The following KLK4 variants were observed in gnomAD, a reference collection of about 807,000 sequenced individuals.
The protein encoded by KLK4 is kallikrein-4.
KLK4 carries 24 observed loss-of-function variants against 24.3 expected under a neutral mutation model. The ratio of observed to expected loss-of-function variants is 0.99; its 90% CI spans 0.72 to 1.39. The LOEUF (loss-of-function observed/expected upper bound fraction) is 1.39, where lower values mean the gene tolerates loss of function less well. Ranked by LOEUF, KLK4 falls within the 40% of genes most tolerant of loss-of-function variation. The pLI is 0.00. For synonymous variants in KLK4, 142 were observed against 138.8 expected (o/e 1.02, Z -0.16); for missense variants, 344 against 327.4 (o/e 1.05, Z -0.39).
At chr19:50,909,270 G>C in exon 3 of KLK4, 1 of 1,614,196 alleles carries the variant, frequency 6.2e-7, no homozygotes, top group Non-Finnish European at 8.5e-7. Context: ...ACAGTGTGCG[G>C]CTGACAGCAC....
Position 50,910,598 on chromosome 19 carries a change from AG to A in KLK4, c.61+79del, listed in dbSNP as rs2035898476. On this transcript the variant is annotated intron_variant, in intron 2 of 5. Coordinates refer to ENST00000324041, the Ensembl canonical transcript of KLK4. The surrounding 1 kb of genome is among the most constrained non-coding windows in gnomAD (Gnocchi z 4.4). Reference sequence around the variant, plus strand: ...AGGCAGCTTTGCAGTCACAAGCAAGAGGACACTGAGTCACACCTGAACATTA... The same window carrying A: ...AGGCAGCTTTGCAGTCACAAGCAAGAGACACTGAGTCACACCTGAACATTA... The A allele has an allele frequency of 7.6e-6, 10 of 1,323,102 alleles. No individual in the cohort carries two copies. The highest frequency in any genetic ancestry group is 7.5e-6 in the Non-Finnish European group (7 of 939,136). 82.0% of individuals were successfully genotyped at this position (1,323,102 alleles called of 1,614,324 possible). A position where few individuals can be genotyped will look rare whatever the true frequency, so the allele number is the denominator to read the frequency against.
chr19:50,910,554 T>C lies in KLK4; in HGVS notation c.61+124A>G. ...CAGGGGCACAGCCATGGGGGACGGA[T>C]AACACGGTACCGTCTCACAGGCAGC... On this transcript the variant is annotated intron_variant, in intron 2 of 5. Coordinates refer to ENST00000324041, the Ensembl canonical transcript of KLK4. This position sits in a 1 kb window ranked among gnomAD's most constrained non-coding sequence, Gnocchi z 4.4. The C allele has an allele frequency of 1.1e-6, 1 of 888,116 alleles. No individual in the cohort carries two copies. The highest frequency in any genetic ancestry group is 1.8e-6 in the Non-Finnish European group (1 of 543,202). The allele number at this position is 888,116 out of a possible 1,614,324, so 55.0% of individuals were successfully genotyped here.
At position 50,909,466 on chromosome 19, in the gene KLK4, C is replaced by T. The variant is rs778478427; in HGVS notation, c.62-52G>A. On this transcript the variant is annotated intron_variant, in intron 2 of 5. Coordinates refer to ENST00000324041, the Ensembl canonical transcript of KLK4. ...GGGACCAGGAGGCGGGCCCAGGGTT[C>T]CTGGGGGTGGGCTTACCGAGCAGGG... 2.5e-6 allele frequency: 4 copies of T among 1,598,574 alleles called. No homozygotes were observed. The Admixed American group carries it at 5.0e-5, about 20-fold the overall frequency.
exon 6 of KLK4, chr19:50,906,502 GC>G: frequency 6.6e-6 from 2 of 303,406 alleles, no homozygotes. Context: ...GGGAGGAGGG[GC>G]TGGGACCTGG....
chr19:50,907,843 T>G, intron 5 of KLK4: 1 of 245,262 alleles, frequency 4.1e-6, no homozygotes, highest in Non-Finnish European at 8.0e-6. Flanking sequence ...ATACTTGGAT[T>G]TTTTCAATAA....
intron 3 of KLK4, 68 bp downstream of exon 3, chr19:50,909,184 G>A: frequency 1.2e-6 from 2 of 1,612,468 alleles, no homozygotes; most frequent in East Asian, 2.2e-5. Context: ...AGCACCCCAA[G>A]ATGAGCCTGA....
Position 50,909,059 on chromosome 19 carries a change from A to G in KLK4, c.224+193T>C, listed in dbSNP as rs2242670. 0.52 allele frequency: 774,076 copies of G among 1,477,836 alleles called. 206,378 individuals carry two copies. The highest frequency in any genetic ancestry group is 0.55 in the Middle Eastern group (2,228 of 4,058). 91.5% of individuals were successfully genotyped at this position (1,477,836 alleles called of 1,614,324 possible). ...CACTGGGCTGAGATTTCAAGTCAGG[A>G]CTCTCTGAGTCCTTCCGAAGCAAGA... is the stretch of plus-strand genomic sequence containing the variant. On this transcript the variant is annotated intron_variant, in intron 3 of 5. Transcript: ENST00000324041.
intron 2 of KLK4, among the ~76,000 whole-genome samples, 179 bp from the exon 3 acceptor site, chr19:50,909,593 C>A (rs541365463): frequency 1.1e-3 from 144 of 136,106 alleles, no homozygotes; most frequent in Non-Finnish European, 3.9e-4. Flanking sequence ...GAGGGGTTAC[C>A]GAGCAGGGGC....
At chr19:50,908,788 T>C (rs1428360570) in exon 4 of KLK4, 5 of 1,613,274 alleles carry the variant, frequency 3.1e-6, no homozygotes, top group Non-Finnish European at 4.2e-6. Flanking sequence ...TGGCTCTTGG[T>C]CGGCCTCAAG....
rs530944765 is a variant in KLK4 at position 50,909,723 on chromosome 19, G to T, written c.62-309C>A. Among the ~76,000 whole-genome samples, 10 of 151,956 alleles carry T rather than the reference G, an allele frequency of 6.6e-5. No individual in the cohort carries two copies. In the East Asian group the frequency reaches 1.7e-3, roughly 27 times the overall value. On this transcript the variant is annotated intron_variant, in intron 2 of 5. Transcript: ENST00000324041. The stretch of plus-strand genomic sequence containing the variant: ...GGTTATGGTGCAGGGGTCATGATCG[G>T]AGCTTCAGGGGCTGGTCCAGGATAT...
exon 6 of KLK4, chr19:50,906,893 T>C (rs759839129): frequency 6.2e-7 from 1 of 1,610,904 alleles, no homozygotes; most frequent in African/African-American, 1.3e-5. Context: ...TTCCGCAGGA[T>C]GTATTTGGGG....
rs777832325 is a variant in KLK4, at chr19:50,908,556, C to T, written c.475+23G>A. The T allele has an allele frequency of 8.1e-6, 13 of 1,614,052 alleles. 1 individual carries two copies. The highest frequency in any genetic ancestry group is 3.3e-5 in the South Asian group (3 of 91,090). On this transcript the variant is annotated intron_variant, in intron 4 of 5. Transcript: ENST00000324041. Reference sequence around the variant, plus strand: ...GGGCAGAGGACCTCCTTGAAGAGGGCAGACACACACCCGTGAGCTCACCGT... The same window carrying T: ...GGGCAGAGGACCTCCTTGAAGAGGGTAGACACACACCCGTGAGCTCACCGT...
chr19:50,910,294 G>A lies in KLK4; in HGVS notation c.61+384C>T, dbSNP rs1339230542. On this transcript the variant is annotated intron_variant, in intron 2 of 5. Transcript: ENST00000324041. This position sits in a 1 kb window ranked among gnomAD's most constrained non-coding sequence, Gnocchi z 4.4. The stretch of plus-strand genomic sequence containing the variant: ...CCTGTGAGGTGAGTTCCTTGGGGAT[G>A]GGAGAGGGGGATCTCAGGACTGAAG... Among the ~76,000 whole-genome samples, 1 of 152,046 alleles carries A rather than the reference G, an allele frequency of 6.6e-6. No homozygotes were observed. The highest frequency in any genetic ancestry group is 1.5e-5 in the Non-Finnish European group (1 of 68,010).
exon 6 of KLK4, chr19:50,906,394 C>CA: frequency 6.0e-6 from 1 of 166,228 alleles, no homozygotes; most frequent in Admixed American, 5.7e-5. Flanking sequence ...GGGAAAGGGA[C>CA]AAAAAATGAA....
Position 50,910,553 on chromosome 19 carries a change from A to G in KLK4, c.61+125T>C. ...GCAGGGGCACAGCCATGGGGGACGG[A>G]TAACACGGTACCGTCTCACAGGCAG... On this transcript the variant is annotated intron_variant, in intron 2 of 5. Coordinates refer to ENST00000324041, the Ensembl canonical transcript of KLK4. This position sits in a 1 kb window ranked among gnomAD's most constrained non-coding sequence, Gnocchi z 4.4. 2.3e-6 allele frequency: 2 copies of G among 880,878 alleles called. No individual in the cohort carries two copies. The highest frequency in any genetic ancestry group is 3.7e-6 in the Non-Finnish European group (2 of 536,560). The allele number at this position is 880,878 out of a possible 1,614,324, so 54.6% of individuals were successfully genotyped here. A position where few individuals can be genotyped will look rare whatever the true frequency, so the allele number is the denominator to read the frequency against.
chr19:50,908,519 G>GC (rs771848170), intron 4 of KLK4, 24 bp from the exon 5 acceptor site: 1 of 1,614,160 alleles, frequency 6.2e-7, no homozygotes, highest in Non-Finnish European at 8.5e-7. Context: ...CTCTGGGTCA[G>GC]CCCCCGCGAC....
rs1229096194 is a variant in KLK4 at position 50,910,976 on chromosome 19, A to G, written c.-11-227T>C. 6.8e-6 allele frequency among the ~76,000 whole-genome samples: 1 copy of G among 147,338 alleles called. No individual in the cohort carries two copies. The highest frequency in any genetic ancestry group is 1.5e-5 in the Non-Finnish European group (1 of 66,312). On this transcript the variant is annotated intron_variant, in intron 1 of 5. Transcript: ENST00000324041. This position sits in a 1 kb window ranked among gnomAD's most constrained non-coding sequence, Gnocchi z 4.4. The stretch of plus-strand genomic sequence containing the variant: ...ATGGGAAAAGAGAGAGAGAGAGAGA[A>G]CTAGGTAGAAAGGAAAGTTTAGAGA...
At chr19:50,908,463 C>T (rs748385161) in exon 5 of KLK4, 1 of 1,614,186 alleles carries the variant, frequency 6.2e-7, no homozygotes, top group Admixed American at 1.7e-5. Flanking sequence ...ACCACCGACA[C>T]GTTCACGCAC....
exon 6 of KLK4, chr19:50,906,822 T>C: frequency 8.4e-7 from 1 of 1,191,496 alleles, no homozygotes; most frequent in South Asian, 1.2e-5. Context: ...GAGGAGGGGC[T>C]GGGGGCCTGG....
Sources: gnomAD v4.1 joint callset for allele counts (sites outside exome capture counted in the v4.1 genomes callset) on GRCh38, gnomAD v4.1.1 for gene constraint, Gnocchi (gnomAD v3.1) non-coding constraint, MANE v1.5 for transcripts, NCBI Gene and HGNC (gene_info 2026-07-23, HGNC 2026-07-21) for gene names.